Variants in FAM20B observed in about 807,000 individuals in gnomAD.
FAM20B encodes the protein glycosaminoglycan xylosylkinase.
FAM20B carries 23 observed loss-of-function variants against 43.8 expected under a neutral mutation model. The ratio of observed to expected loss-of-function variants is 0.53; its 90% confidence interval spans 0.38 to 0.74. The LOEUF (loss-of-function observed/expected upper bound fraction) is 0.74. Among genes scored for constraint, FAM20B ranks in the 30% least tolerant of loss-of-function variants. The pLI, the probability that FAM20B is intolerant of heterozygous loss-of-function variation, is 0.00. For synonymous variants in FAM20B, 178 were observed against 192.4 expected, an observed-to-expected ratio of 0.93 and a Z score of 0.62; for missense variants, 440 against 510.5, an observed-to-expected ratio of 0.86 and a Z score of 1.33.
intron 4 of FAM20B, among the ~76,000 whole-genome samples, chr1:179,060,761 A>G (rs1557877076): frequency 6.6e-6 from 1 of 152,192 alleles, no homozygotes; most frequent in Non-Finnish European, 1.5e-5. Flanking sequence ...CTAGGTCAAA[A>G]GGCACGTGCA....
At chr1:179,055,542 T>C (rs1040731978) in intron 4 of FAM20B, among the ~76,000 whole-genome samples, 3 of 152,230 alleles carry the variant, frequency 2.0e-5, no homozygotes, top group Non-Finnish European at 4.4e-5. Context: ...AAGCATACAA[T>C]GTTAGATATT....
At chr1:179,057,249 G>C (rs1255567383) in intron 4 of FAM20B, among the ~76,000 whole-genome samples, 1 of 152,150 alleles carries the variant, frequency 6.6e-6, no homozygotes, top group Non-Finnish European at 1.5e-5. Context: ...GGAGACTGAG[G>C]CAGGAGAGTT....
At chr1:179,058,050 C>A (rs1651303937) in intron 4 of FAM20B, among the ~76,000 whole-genome samples, 1 of 152,076 alleles carries the variant, frequency 6.6e-6, no homozygotes, top group Non-Finnish European at 1.5e-5. Flanking sequence ...GTTTTAAATA[C>A]ATACAGAAAT....
intron 7 of FAM20B, among the ~76,000 whole-genome samples, chr1:179,068,462 G>C (rs1187339411): frequency 6.6e-6 from 1 of 151,766 alleles, no homozygotes; most frequent in African/African-American, 2.4e-5. Context: ...TGGAGATGGA[G>C]TCTTGCTCTG....
At position 179,071,914 on chromosome 1, in the gene FAM20B, A is replaced by G; in HGVS notation, c.1000A>G (p.Ile334Val). 11 of 1,610,486 alleles carry G rather than the reference A, an allele frequency of 6.8e-6. No homozygotes were observed. Among genetic ancestry groups the G allele is most frequent in the Non-Finnish European group, 8.5e-6 (10 of 1,176,888 alleles). Residue 334 changes from isoleucine to valine, a missense_variant and splice_region_variant, in exon 8 of 8, where the codon ATT becomes GTT. By Grantham distance (29) the Ile-to-Val change is conservative. Transcript: ENST00000263733. ...ILAPLYQCCI[I>V]RVSTWNRLNY... ...TTGTTCTATAACTTTTTCTCCCAGC[A>G]TTCGGGTGTCCACCTGGAACAGACT... is the stretch of plus-strand genomic sequence containing the variant.
intron 4 of FAM20B, among the ~76,000 whole-genome samples, chr1:179,057,381 T>G (rs1439406883): frequency 6.6e-6 from 1 of 152,196 alleles, no homozygotes; most frequent in African/African-American, 2.4e-5. Flanking sequence ...ATGTATAACT[T>G]GTTTCATTCT....
chr1:179,069,474 G>A (rs138063763), intron 7 of FAM20B, among the ~76,000 whole-genome samples: 20,144 of 152,122 alleles, frequency 0.13, 1,560 homozygotes, highest in East Asian at 0.3. Context: ...GGGTTCAGGC[G>A]ATTCTCCTGC....
chr1:179,040,400 C>T (rs1419728204), intron 1 of FAM20B, among the ~76,000 whole-genome samples: 7 of 151,330 alleles, frequency 4.6e-5, no homozygotes, highest in African/African-American at 7.3e-5. Context: ...GGCGGCTGGC[C>T]GGGCAGAGGG....
chr1:179,026,522 G>A (rs1444583683), intron 1 of FAM20B, among the ~76,000 whole-genome samples: 2 of 152,152 alleles, frequency 1.3e-5, no homozygotes, highest in Admixed American at 1.3e-4. Flanking sequence ...GTTCCCCGGA[G>A]CGCCCGTTGA....
At chr1:179,052,938 T>C (rs1472382678) in intron 3 of FAM20B, among the ~76,000 whole-genome samples, 1 of 152,232 alleles carries the variant, frequency 6.6e-6, no homozygotes, top group Non-Finnish European at 1.5e-5. Flanking sequence ...TAAGTTTTGT[T>C]GATATATATG....
chr1:179,069,663 T>C (rs1572562070), intron 7 of FAM20B, among the ~76,000 whole-genome samples: 1 of 152,148 alleles, frequency 6.6e-6, no homozygotes. Flanking sequence ...TGAGCCACCG[T>C]GCCTGGCCAG....
At position 179,043,908 on chromosome 1, in the gene FAM20B, A is replaced by T; in HGVS notation, c.61A>T (p.Lys21Ter). 1 of 1,611,244 alleles carries T rather than the reference A, an allele frequency of 6.2e-7. No individual in the cohort carries two copies. Among genetic ancestry groups the T allele is most frequent in the South Asian group, 1.1e-5 (1 of 91,010 alleles). Residue 21 changes from lysine (K) to a stop codon, truncating the protein, a stop_gained, in exon 2 of 8, where the codon AAA becomes TAA. Coordinates refer to ENST00000263733, the MANE Select transcript of FAM20B (RefSeq NM_014864.4). LOFTEE classifies it high-confidence loss of function. ...TCTCCTTGTCATTTTTATCTTCACC[A>T]AAGTTTTCCTGATTGACAACTTAGA... Reference protein sequence around the residue: ...AILLVIFIFTKVFLIDNLDTS... With the variant: ...AILLVIFIFT
intron 4 of FAM20B, among the ~76,000 whole-genome samples, chr1:179,059,838 G>A (rs1467152035): frequency 6.6e-6 from 1 of 151,986 alleles, no homozygotes; most frequent in Non-Finnish European, 1.5e-5. Flanking sequence ...CGGGTGTGGT[G>A]GTGCACGTCT....
chr1:179,033,135 A>G (rs959233463), intron 1 of FAM20B, among the ~76,000 whole-genome samples: 10 of 152,164 alleles, frequency 6.6e-5, no homozygotes, highest in African/African-American at 9.7e-5. Context: ...GCACTAAAAG[A>G]TGTGATTTTT....
intron 7 of FAM20B, among the ~76,000 whole-genome samples, chr1:179,068,387 A>G (rs1052720125): frequency 8.5e-5 from 13 of 152,142 alleles, no homozygotes; most frequent in Admixed American, 4.6e-4. Context: ...GTCTGGTTCA[A>G]TCAGGAGATA....
intron 1 of FAM20B, among the ~76,000 whole-genome samples, chr1:179,026,648 C>A (rs775157315): frequency 6.6e-6 from 1 of 152,212 alleles, no homozygotes; most frequent in Non-Finnish European, 1.5e-5. Flanking sequence ...CCGGGGCCCG[C>A]GGTCTCCTGG....
At chr1:179,038,907 T>C (rs1312699951) in intron 1 of FAM20B, among the ~76,000 whole-genome samples, 3 of 152,236 alleles carry the variant, frequency 2.0e-5, no homozygotes, top group African/African-American at 7.2e-5. Context: ...GCTTCCTTCA[T>C]GAACAGAAAA....
intron 1 of FAM20B, among the ~76,000 whole-genome samples, chr1:179,043,466 C>T (rs1014605540): frequency 3.9e-5 from 6 of 152,130 alleles, no homozygotes; most frequent in African/African-American, 9.7e-5. Context: ...CTTCCAGCTC[C>T]GTGGAGTGTG....
At chr1:179,019,382 A>G in the FAM20B span, among the ~76,000 whole-genome samples, 1 of 151,978 alleles carries the variant, frequency 6.6e-6, no homozygotes, top group South Asian at 2.1e-4. Flanking sequence ...GTCTAAGACA[A>G]CTGATGATTT....
Sources: allele counts gnomAD v4.1 joint callset (sites outside exome capture counted in the v4.1 genomes callset), GRCh38; gene constraint gnomAD v4.1.1; transcripts MANE v1.5; gene names NCBI Gene and HGNC (gene_info 2026-07-23, HGNC 2026-07-21).